The following PRKN variants were observed in gnomAD, a reference collection of about 807,000 sequenced individuals.
PRKN encodes the protein E3 ubiquitin-protein ligase parkin.
Under a neutral mutation model 59.5 loss-of-function variants are expected in PRKN, and 56 were observed. That is an observed-to-expected ratio of 0.94 (90% CI 0.76 to 1.18). The LOEUF is 1.18. Ranked by LOEUF, PRKN falls within the 50% of genes most tolerant of loss-of-function variation. PRKN has a pLI of 0.00. For missense variants in PRKN, 657 were observed against 596.4 expected, an observed-to-expected ratio of 1.10 and a Z score of -1.06; for synonymous variants, 250 against 222.1, an observed-to-expected ratio of 1.13 and a Z score of -1.12.
chr6:161,877,099 C>G (rs141318316), intron 6 of PRKN, among the ~76,000 whole-genome samples: 1 of 152,114 alleles, frequency 6.6e-6, no homozygotes. Flanking sequence ...TATGTAGTCC[C>G]GACCTTCCCT....
chr6:161,514,856 T>C (rs1301729884), intron 9 of PRKN, among the ~76,000 whole-genome samples: 1 of 152,046 alleles, frequency 6.6e-6, no homozygotes, highest in African/African-American at 2.4e-5. Flanking sequence ...AGCGGCAAGC[T>C]CCTTAGTGCT....
At chr6:162,244,616 T>C (rs1386972582) in intron 3 of PRKN, among the ~76,000 whole-genome samples, 2 of 151,954 alleles carry the variant, frequency 1.3e-5, no homozygotes, top group African/African-American at 4.8e-5. Context: ...AGTAGACATC[T>C]CTTTATTTGG....
At chr6:162,436,722 A>G (rs1436025161) in intron 2 of PRKN, among the ~76,000 whole-genome samples, 1 of 121,638 alleles carries the variant, frequency 8.2e-6, no homozygotes, top group African/African-American at 3.9e-5. Context: ...TAGTTTAAAT[A>G]TTTGGTAAAG....
At position 161,552,661 on chromosome 6, in the gene PRKN, C is replaced by A. The variant is rs1780075193; in HGVS notation, c.934-3658G>T. On this transcript the variant is annotated intron_variant, in intron 8 of 11. Coordinates refer to ENST00000366898, the MANE Select transcript of PRKN (RefSeq NM_004562.3). The surrounding 1 kb of genome is among the most constrained non-coding windows in gnomAD (Gnocchi z 4.9). Reference sequence around the variant, plus strand: ...ATAAGCTTAATACATTATAAAGTGACCAACTTTTTAAACACTACCCAGGCC... The same window carrying A: ...ATAAGCTTAATACATTATAAAGTGAACAACTTTTTAAACACTACCCAGGCC... 6.6e-6 allele frequency among the ~76,000 whole-genome samples: 1 copy of A among 152,074 alleles called. No individual in the cohort carries two copies. The highest frequency in any genetic ancestry group is 2.1e-4 in the South Asian group (1 of 4,826).
At chr6:162,706,092 G>C (rs907899248) in intron 1 of PRKN, among the ~76,000 whole-genome samples, 1 of 140,402 alleles carries the variant, frequency 7.1e-6, no homozygotes, top group African/African-American at 2.7e-5. Context: ...TCCTTGTACT[G>C]AAAAGCATTT....
intron 2 of PRKN, among the ~76,000 whole-genome samples, chr6:162,390,066 T>C (rs1483140563): frequency 1.3e-5 from 2 of 152,110 alleles, no homozygotes; most frequent in Non-Finnish European, 2.9e-5. Flanking sequence ...AACCTAATAA[T>C]GTTGGATTAA....
At chr6:161,820,949 C>A in intron 6 of PRKN, among the ~76,000 whole-genome samples, 1 of 151,798 alleles carries the variant, frequency 6.6e-6, no homozygotes, top group Non-Finnish European at 1.5e-5. Flanking sequence ...TACAAAAACT[C>A]TCTGTACAGC....
intron 9 of PRKN, among the ~76,000 whole-genome samples, chr6:161,537,747 G>A (rs1008185168): frequency 5.9e-5 from 9 of 152,274 alleles, no homozygotes; most frequent in East Asian, 1.9e-4. Flanking sequence ...CACTGCGCCC[G>A]GCCTCAAATT....
At chr6:162,064,405 A>C (rs1778240766) in intron 4 of PRKN, among the ~76,000 whole-genome samples, 1 of 152,182 alleles carries the variant, frequency 6.6e-6, no homozygotes. Context: ...TTGTTCTATA[A>C]TTTAAAATAA....
intron 1 of PRKN, among the ~76,000 whole-genome samples, chr6:162,672,077 C>T (rs901872710): frequency 6.6e-6 from 1 of 152,096 alleles, no homozygotes; most frequent in Admixed American, 6.6e-5. Context: ...AGGACTTGAA[C>T]TTAATGTGGT....
chr6:161,514,742 A>G (rs1198862567), intron 9 of PRKN, among the ~76,000 whole-genome samples: 1 of 152,048 alleles, frequency 6.6e-6, no homozygotes, highest in African/African-American at 2.4e-5. Flanking sequence ...GCTGAAAGAA[A>G]ACTTTGTTGC....
chr6:162,634,868 G>A (rs1468864897), intron 1 of PRKN, among the ~76,000 whole-genome samples: 1 of 152,008 alleles, frequency 6.6e-6, no homozygotes, highest in Non-Finnish European at 1.5e-5. Context: ...ATGATCCATC[G>A]GCCCCGGCCT....
intron 1 of PRKN, among the ~76,000 whole-genome samples, chr6:162,639,764 A>G (rs926331741): frequency 2.6e-4 from 39 of 152,280 alleles, no homozygotes; most frequent in African/African-American, 9.4e-4. Flanking sequence ...CTTTAAAGAA[A>G]AAGTCTAGCC....
At chr6:161,490,339 TTCTCTCTC>T (rs146235423) in intron 9 of PRKN, among the ~76,000 whole-genome samples, 1 of 134,134 alleles carries the variant, frequency 7.5e-6, no homozygotes, top group African/African-American at 2.7e-5. Context: ...CTTGCTTGCT[TTCTCTCTC>T]TCTCTCTCTC....
At chr6:161,586,612 A>G (rs1478260848) in intron 7 of PRKN, among the ~76,000 whole-genome samples, 1 of 152,180 alleles carries the variant, frequency 6.6e-6, no homozygotes, top group Non-Finnish European at 1.5e-5. Flanking sequence ...TGAAAAAAAA[A>G]TTCTCTTTCA....
intron 3 of PRKN, among the ~76,000 whole-genome samples, chr6:162,231,963 A>G (rs185471963): frequency 4.7e-4 from 71 of 152,284 alleles, no homozygotes; most frequent in African/African-American, 1.7e-3. Context: ...CCACAGTATC[A>G]TAGTGTCATC....
intron 11 of PRKN, among the ~76,000 whole-genome samples, chr6:161,358,111 T>C (rs1462341126): frequency 6.6e-6 from 1 of 151,694 alleles, no homozygotes; most frequent in South Asian, 2.1e-4. Context: ...GGCACCTTTT[T>C]TCCTAAAATG....
At chr6:162,296,842 A>T (rs942620599) in intron 2 of PRKN, among the ~76,000 whole-genome samples, 2 of 152,204 alleles carry the variant, frequency 1.3e-5, no homozygotes, top group Non-Finnish European at 2.9e-5. Context: ...CCAAGGATTT[A>T]CTGTTAACTA....
At chr6:162,609,166 G>T (rs2128218489) in intron 1 of PRKN, among the ~76,000 whole-genome samples, 1 of 152,290 alleles carries the variant, frequency 6.6e-6, no homozygotes, top group Middle Eastern at 3.4e-3. Flanking sequence ...TAAAGTGCAG[G>T]CCCAGGGAGC....
Sources: allele counts gnomAD v4.1 joint callset (sites outside exome capture counted in the v4.1 genomes callset), GRCh38; gene constraint gnomAD v4.1.1; non-coding constraint Gnocchi (gnomAD v3.1); transcripts MANE v1.5; gene names NCBI Gene and HGNC (gene_info 2026-07-23, HGNC 2026-07-21).